Variants in EXOC2 observed in about 807,000 individuals in gnomAD.
EXOC2 encodes the protein SEC5-like 1.
EXOC2 carries 70 observed loss-of-function variants against 131.8 expected under a neutral mutation model. The ratio of observed to expected loss-of-function variants is 0.53; its 90% CI spans 0.44 to 0.65. The LOEUF (loss-of-function observed/expected upper bound fraction) is 0.65, where lower values mean the gene tolerates loss of function less well. EXOC2 is among the 30% of genes least tolerant of loss of function. EXOC2 has a pLI of 0.00. For synonymous variants in EXOC2, 411 were observed against 398.4 expected (o/e 1.03, Z -0.38); for missense variants, 923 against 1,108.6 (o/e 0.83, Z 2.38).
At chr6:503,629 T>C (rs147232062) in intron 23 of EXOC2, among the ~76,000 whole-genome samples, 305 of 152,332 alleles carry the variant, frequency 2.0e-3, no homozygotes, top group African/African-American at 7.0e-3. Context: ...AATAATTTGT[T>C]ATATGTTTGG....
intron 18 of EXOC2, 144 bp downstream of exon 18, chr6:556,340 C>A: frequency 1.2e-6 from 1 of 855,162 alleles, no homozygotes. Context: ...AATCGGAAAT[C>A]AGCACATCTA....
At chr6:491,094 G>A (rs759857867) in intron 26 of EXOC2, 31 bp downstream of exon 26, 4 of 1,608,342 alleles carry the variant, frequency 2.5e-6, no homozygotes, top group Middle Eastern at 3.3e-4. Flanking sequence ...ATTTTTAATA[G>A]AGCACTCAAC....
chr6:605,971 T>C (rs888105119), intron 7 of EXOC2, among the ~76,000 whole-genome samples: 12 of 152,212 alleles, frequency 7.9e-5, no homozygotes, highest in Non-Finnish European at 1.3e-4. Context: ...CCAGTAGTCA[T>C]TCAGGAGCAG....
intron 1 of EXOC2, among the ~76,000 whole-genome samples, chr6:645,617 G>T (rs1057423893): frequency 2.6e-5 from 4 of 152,044 alleles, no homozygotes; most frequent in Non-Finnish European, 5.9e-5. Flanking sequence ...AAAGATTTGA[G>T]GAGACTCTTC....
chr6:491,904 C>T (rs1000098195), intron 25 of EXOC2, among the ~76,000 whole-genome samples: 1 of 152,198 alleles, frequency 6.6e-6, no homozygotes, highest in Non-Finnish European at 1.5e-5. Context: ...CAAGACCACT[C>T]AGTGGGGGAA....
At chr6:571,027 C>T (rs1758248636) in intron 13 of EXOC2, among the ~76,000 whole-genome samples, 1 of 152,132 alleles carries the variant, frequency 6.6e-6, no homozygotes, top group African/African-American at 2.4e-5. Flanking sequence ...GATGGTGACA[C>T]ACAGAAGCAG....
rs139973256 is a variant in EXOC2 at position 491,580 on chromosome 6, G to A, written c.2560-394C>T. The stretch of plus-strand genomic sequence containing the variant: ...GCCCGTGTCCCACAGAGGTAAGGAT[G>A]TGGCTTGGCATGCTTCCTGACACCT... On this transcript the variant is annotated intron_variant, in intron 25 of 27. Transcript: ENST00000230449. Among the ~76,000 whole-genome samples the A allele has an allele frequency of 3.3e-5, 5 of 152,398 alleles. No individual in the cohort carries two copies. In the East Asian group the frequency reaches 9.6e-4, roughly 29 times the overall value.
At chr6:568,162 T>C (rs1758077190) in intron 13 of EXOC2, among the ~76,000 whole-genome samples, 1 of 152,202 alleles carries the variant, frequency 6.6e-6, no homozygotes, top group Non-Finnish European at 1.5e-5. Flanking sequence ...AACATTACTC[T>C]AGGTGTGTCT....
intron 13 of EXOC2, among the ~76,000 whole-genome samples, chr6:567,975 T>C (rs1281591894): frequency 6.6e-6 from 1 of 152,218 alleles, no homozygotes; most frequent in Admixed American, 6.5e-5. Flanking sequence ...GAGCAGAGGT[T>C]GGAGAGCTTT....
intron 17 of EXOC2, among the ~76,000 whole-genome samples, chr6:561,863 T>G (rs1425621402): frequency 6.6e-6 from 1 of 152,212 alleles, no homozygotes; most frequent in Admixed American, 6.5e-5. Flanking sequence ...ATTATAGGCG[T>G]GAGCCACCGC....
intron 1 of EXOC2, among the ~76,000 whole-genome samples, chr6:678,225 CT>C (rs1466701260): frequency 1.3e-5 from 2 of 152,184 alleles, no homozygotes; most frequent in African/African-American, 4.8e-5. Flanking sequence ...AGAAAAGACA[CT>C]TAACCAAGAG....
In EXOC2 at chr6:551,217, G is replaced by A. The variant is rs533780254; in HGVS notation, c.2122-1926C>T. 1.1e-4 allele frequency among the ~76,000 whole-genome samples: 17 copies of A among 152,312 alleles called. No individual in the cohort carries two copies. The South Asian group carries it at 2.7e-3, about 24-fold the overall frequency. ...TTATTTCAGTGATCCCCCACGTTCC[G>A]TTCAGGAGAACCCGCTCAGTGATGT... On this transcript the variant is annotated intron_variant, in intron 21 of 27. Coordinates refer to ENST00000230449, the MANE Select transcript of EXOC2 (RefSeq NM_018303.6).
At chr6:631,180 T>G (rs1479492904) in intron 3 of EXOC2, among the ~76,000 whole-genome samples, 1 of 152,202 alleles carries the variant, frequency 6.6e-6, no homozygotes, top group Non-Finnish European at 1.5e-5. Context: ...CTCTCAGCAC[T>G]CGTGGTTCTG....
At chr6:547,662 T>C (rs1445203516) in intron 22 of EXOC2, among the ~76,000 whole-genome samples, 2 of 152,194 alleles carry the variant, frequency 1.3e-5, no homozygotes, top group Non-Finnish European at 2.9e-5. Context: ...AGTGCAAATG[T>C]TATCATCTAA....
At chr6:553,077 C>T (rs1049441420) in intron 21 of EXOC2, among the ~76,000 whole-genome samples, 1 of 152,156 alleles carries the variant, frequency 6.6e-6, no homozygotes, top group African/African-American at 2.4e-5. Context: ...GACACCACAC[C>T]AGACTAATTT....
At position 495,359 on chromosome 6, in the gene EXOC2, C is replaced by T. The variant is rs549605583; in HGVS notation, c.2559+2008G>A. Among the ~76,000 whole-genome samples the T allele has an allele frequency of 1.7e-3, 256 of 151,662 alleles. 1 individual carries two copies. Among genetic ancestry groups the T allele is most frequent in the African/African-American group, 5.1e-3 (212 of 41,372 alleles). ...CAGGATGGTCTCGATCTCCTGACCTCGTGATCCGCCCGCCTCGGCCTCCCA... is the reference window on the plus strand; with the variant it reads ...CAGGATGGTCTCGATCTCCTGACCTTGTGATCCGCCCGCCTCGGCCTCCCA... On this transcript the variant is annotated intron_variant, in intron 25 of 27. Transcript: ENST00000230449.
At position 485,339 on chromosome 6, in the gene EXOC2, A is replaced by G. The variant is rs1762989220; in HGVS notation, c.*1332T>C. 2 of 152,234 alleles carry G rather than the reference A, an allele frequency of 1.3e-5. No homozygotes were observed. 9.4% of individuals were successfully genotyped at this position (152,234 alleles called of 1,614,324 possible). ...TGTGAAAGATTAAACTTTCATTTCC[A>G]GTTACCATGATGTCCCCCCATACAC... On this transcript the variant is annotated 3_prime_UTR_variant, in exon 28 of 28. Coordinates refer to ENST00000230449, the MANE Select transcript of EXOC2 (RefSeq NM_018303.6).
At chr6:646,375 C>T (rs1052498359) in intron 1 of EXOC2, among the ~76,000 whole-genome samples, 3 of 151,952 alleles carry the variant, frequency 2.0e-5, no homozygotes, top group African/African-American at 7.3e-5. Flanking sequence ...AACTGGTGGG[C>T]GTGGTTAAAG....
chr6:590,809 C>T (rs1037721790), intron 11 of EXOC2, among the ~76,000 whole-genome samples: 4 of 152,026 alleles, frequency 2.6e-5, no homozygotes, highest in African/African-American at 9.7e-5. Context: ...CTTCTTTTTT[C>T]GTCTTCTTGG....
Sources: gnomAD v4.1 joint callset for allele counts (sites outside exome capture counted in the v4.1 genomes callset) on GRCh38, gnomAD v4.1.1 for gene constraint, MANE v1.5 for transcripts, NCBI Gene and HGNC (gene_info 2026-07-23, HGNC 2026-07-21) for gene names.